ZNF385D: variants seen among roughly 807,000 people sequenced by gnomAD.
ZNF385D encodes the protein zinc finger protein 385D, also known as zinc finger protein 659.
A neutral mutation model predicts 35.8 loss-of-function variants in ZNF385D; 15 were observed. The ratio of observed to expected loss-of-function variants is 0.42; its 90% confidence interval spans 0.28 to 0.64. The LOEUF is 0.64. ZNF385D is among the 30% of genes least tolerant of loss of function. ZNF385D has a pLI of 0.23. For synonymous variants in ZNF385D, 212 were observed against 186.8 expected, an observed-to-expected ratio of 1.13 and a Z score of -1.10; for missense variants, 474 against 494.6, an observed-to-expected ratio of 0.96 and a Z score of 0.39.
At chr3:22,252,440 GGTGA>G (rs1221381863) in intron 2 of ZNF385D, among the ~76,000 whole-genome samples, 2 of 152,060 alleles carry the variant, frequency 1.3e-5, no homozygotes, top group African/African-American at 2.4e-5. Flanking sequence ...CTTAAGATGA[GGTGA>G]GTATGTTTAA....
rs1422566574 is a variant in ZNF385D at position 21,666,067 on chromosome 3, C to T, written c.23-1039G>A. Among the ~76,000 whole-genome samples the T allele has an allele frequency of 2.0e-5, 3 of 152,148 alleles. No individual in the cohort carries two copies. In the East Asian group the frequency reaches 5.8e-4, roughly 29 times the overall value. On this transcript the variant is annotated intron_variant, in intron 1 of 7. Coordinates refer to ENST00000281523, the MANE Select transcript of ZNF385D (RefSeq NM_024697.3). The stretch of plus-strand genomic sequence containing the variant: ...AAGAATTCTAGGAGACATGCTTGCG[C>T]CACTTACTTGCCTGCCATCTCGTTT...
At chr3:22,233,418 C>T (rs182243661) in intron 2 of ZNF385D, among the ~76,000 whole-genome samples, 2 of 152,184 alleles carry the variant, frequency 1.3e-5, no homozygotes, top group East Asian at 3.9e-4. Context: ...CCTGGGGCAA[C>T]AAGTGAGGAG....
chr3:21,876,036 A>C (rs1373635914), intron 3 of ZNF385D, among the ~76,000 whole-genome samples: 1 of 152,146 alleles, frequency 6.6e-6, no homozygotes, highest in African/African-American at 2.4e-5. Context: ...GAGTTACTTC[A>C]TCATAGTTGG....
intron 3 of ZNF385D, among the ~76,000 whole-genome samples, chr3:22,140,329 C>T (rs1704428997): frequency 6.6e-6 from 1 of 152,078 alleles, no homozygotes; most frequent in African/African-American, 2.4e-5. Flanking sequence ...GGAAGAATAA[C>T]ATTATATGCT....
At chr3:22,196,915 C>A (rs1318548811) in intron 2 of ZNF385D, among the ~76,000 whole-genome samples, 1 of 151,946 alleles carries the variant, frequency 6.6e-6, no homozygotes, top group Non-Finnish European at 1.5e-5. Context: ...CAAATTCTTT[C>A]ACTTTTCTTT....
intron 3 of ZNF385D, among the ~76,000 whole-genome samples, chr3:21,918,737 T>C (rs562082778): frequency 1.2e-3 from 183 of 152,296 alleles, no homozygotes; most frequent in African/African-American, 4.2e-3. Flanking sequence ...TAACATGGTG[T>C]TTGTCTTTTT....
chr3:22,197,544 G>A (rs1025365652), intron 2 of ZNF385D, among the ~76,000 whole-genome samples: 4 of 152,184 alleles, frequency 2.6e-5, no homozygotes, highest in Admixed American at 6.6e-5. Context: ...TCCAGAAGAC[G>A]TTTGCCTCTT....
intron 4 of ZNF385D, among the ~76,000 whole-genome samples, chr3:21,457,882 G>A (rs1412617833): frequency 6.6e-6 from 1 of 152,122 alleles, no homozygotes. Context: ...TAAGATAATT[G>A]TGGAAAATTA....
chr3:22,196,466 C>T (rs1230775884), intron 2 of ZNF385D, among the ~76,000 whole-genome samples: 1 of 151,868 alleles, frequency 6.6e-6, no homozygotes, highest in Non-Finnish European at 1.5e-5. Context: ...TCTATTTTCT[C>T]CTTTCATTCT....
intron 3 of ZNF385D, among the ~76,000 whole-genome samples, chr3:21,970,796 A>G (rs2125340085): frequency 6.6e-6 from 1 of 152,244 alleles, no homozygotes; most frequent in Middle Eastern, 3.4e-3. Context: ...AAACATAAAG[A>G]AAGGATCCCA....
chr3:21,460,371 A>T (rs768519122), intron 4 of ZNF385D, among the ~76,000 whole-genome samples: 11 of 152,236 alleles, frequency 7.2e-5, no homozygotes, highest in Non-Finnish European at 1.3e-4. Context: ...CGTGTCAAAA[A>T]TAATATAAAG....
At chr3:22,349,199 T>G (rs1412041448) in intron 2 of ZNF385D, among the ~76,000 whole-genome samples, 1 of 152,170 alleles carries the variant, frequency 6.6e-6, no homozygotes, top group East Asian at 1.9e-4. Flanking sequence ...CTAAATGCTT[T>G]CAGAATTAAA....
chr3:21,528,880 G>A (rs1312212167), intron 3 of ZNF385D, among the ~76,000 whole-genome samples: 1 of 152,120 alleles, frequency 6.6e-6, no homozygotes, highest in Non-Finnish European at 1.5e-5. Flanking sequence ...GCTAATCTTT[G>A]TCTAAATGAA....
intron 1 of ZNF385D, among the ~76,000 whole-genome samples, chr3:21,716,820 C>T (rs1352529897): frequency 6.6e-6 from 1 of 151,964 alleles, no homozygotes; most frequent in Non-Finnish European, 1.5e-5. Context: ...TTGCTCTGCC[C>T]TCAGCGCCTA....
intron 3 of ZNF385D, among the ~76,000 whole-genome samples, chr3:21,756,251 CA>C (rs2070335301): frequency 6.6e-6 from 1 of 152,040 alleles, no homozygotes; most frequent in Non-Finnish European, 1.5e-5. Context: ...CTACATGTAC[CA>C]AAATGGGTCC....
chr3:22,278,509 G>A (rs747993331), intron 2 of ZNF385D, among the ~76,000 whole-genome samples: 34 of 151,968 alleles, frequency 2.2e-4, no homozygotes, highest in African/African-American at 7.0e-4. Context: ...ATGACTTTCC[G>A]ATAACTAAAG....
intron 3 of ZNF385D, among the ~76,000 whole-genome samples, chr3:22,103,911 G>T (rs1702070726): frequency 6.6e-6 from 1 of 151,922 alleles, no homozygotes; most frequent in African/African-American, 2.4e-5. Flanking sequence ...GAATTATATG[G>T]CTTTAAATTT....
intron 3 of ZNF385D, among the ~76,000 whole-genome samples, chr3:22,050,024 T>A (rs1183306022): frequency 6.6e-6 from 1 of 152,166 alleles, no homozygotes; most frequent in Non-Finnish European, 1.5e-5. Context: ...TAATGTTTCC[T>A]CTTTAATTTT....
chr3:21,656,166 G>A (rs1488294736), intron 2 of ZNF385D, among the ~76,000 whole-genome samples: 2 of 151,968 alleles, frequency 1.3e-5, no homozygotes, highest in African/African-American at 4.8e-5. Context: ...GATGTAGTCA[G>A]GTAGGAAGCT....
Sources: gnomAD v4.1 joint callset for allele counts (sites outside exome capture counted in the v4.1 genomes callset) on GRCh38, gnomAD v4.1.1 for gene constraint, MANE v1.5 for transcripts, NCBI Gene and HGNC (gene_info 2026-07-23, HGNC 2026-07-21) for gene names.